Variants in TDRD12 observed in about 807,000 individuals in gnomAD.
TDRD12 encodes putative ATP-dependent RNA helicase TDRD12.
A neutral mutation model predicts 133.5 loss-of-function variants in TDRD12; 158 were observed. That is an observed-to-expected ratio of 1.18 (90% CI 1.04 to 1.35). The LOEUF (loss-of-function observed/expected upper bound fraction) is 1.35. Among genes scored for constraint, TDRD12 ranks in the 40% most tolerant of loss-of-function variants. The pLI, the probability that TDRD12 is intolerant of heterozygous loss-of-function variation, is 0.00. For missense variants in TDRD12, 1,443 were observed against 1,321.3 expected, an observed-to-expected ratio of 1.09 and a Z score of -1.43; for synonymous variants, 460 against 477.9, an observed-to-expected ratio of 0.96 and a Z score of 0.49.
intron 8 of TDRD12, among the ~76,000 whole-genome samples, chr19:32,763,285 G>A (rs1313627450): frequency 6.6e-6 from 1 of 152,120 alleles, no homozygotes; most frequent in Non-Finnish European, 1.5e-5. Context: ...AATGGTAGGA[G>A]GGGTGGAGAG....
At chr19:32,744,393 G>A (rs1426163889) in intron 4 of TDRD12, among the ~76,000 whole-genome samples, 1 of 150,422 alleles carries the variant, frequency 6.6e-6, no homozygotes, top group Non-Finnish European at 1.5e-5. Flanking sequence ...CCAGCTACTC[G>A]GGAGACTGAG....
intron 8 of TDRD12, among the ~76,000 whole-genome samples, chr19:32,768,674 T>C (rs1265227798): frequency 1.3e-5 from 2 of 152,098 alleles, no homozygotes; most frequent in Admixed American, 6.5e-5. Context: ...AGACCTTTCT[T>C]TGGCTTACTT....
intron 11 of TDRD12, among the ~76,000 whole-genome samples, chr19:32,777,828 TATATATATATATATATATATATATATATA>T (rs1424452697): frequency 0.022 from 137 of 6,310 alleles, 3 homozygotes; most frequent in Middle Eastern, 0.05. Flanking sequence ...TATATATATA[TATATATATATATATATATATATATATATA>T]TTTTTTTTTT....
At chr19:32,802,780 C>T (rs1254679520) in exon 20 of TDRD12, 22 of 1,536,688 alleles carry the variant, frequency 1.4e-5, no homozygotes, top group Non-Finnish European at 1.7e-5. Flanking sequence ...ATCATTTTCA[C>T]GCTGAACAGG....
chr19:32,798,230 T>C, intron 15 of TDRD12, 78 bp from the exon 16 acceptor site: 1 of 1,400,280 alleles, frequency 7.1e-7, no homozygotes, highest in Non-Finnish European at 9.7e-7. Flanking sequence ...TTCTAGAAAG[T>C]ATGTGGACTC....
At chr19:32,812,366 A>G (rs112726601) in intron 24 of TDRD12, among the ~76,000 whole-genome samples, 13 of 152,260 alleles carry the variant, frequency 8.5e-5, no homozygotes, top group African/African-American at 2.2e-4. Flanking sequence ...AGGAAAGGTT[A>G]TATTTTGCAT....
At chr19:32,771,988 G>A (rs79700065) in intron 8 of TDRD12, among the ~76,000 whole-genome samples, 9,894 of 152,114 alleles carry the variant, frequency 0.065, 556 homozygotes, top group East Asian at 0.24. Flanking sequence ...AATGATTGCC[G>A]GGTAAAACAA....
exon 25 of TDRD12, chr19:32,813,701 T>G: frequency 6.5e-7 from 1 of 1,532,288 alleles, no homozygotes; most frequent in South Asian, 1.2e-5. Flanking sequence ...GGTACATTCA[T>G]CATAAAATTG....
At chr19:32,744,787 C>G (rs1969552262) in intron 4 of TDRD12, among the ~76,000 whole-genome samples, 1 of 149,918 alleles carries the variant, frequency 6.7e-6, no homozygotes, top group Non-Finnish European at 1.5e-5. Context: ...ACCCGGTGCT[C>G]CTCCTCTTCT....
At chr19:32,727,705 G>A (rs1968904550) in intron 1 of TDRD12, among the ~76,000 whole-genome samples, 1 of 151,938 alleles carries the variant, frequency 6.6e-6, no homozygotes, top group Non-Finnish European at 1.5e-5. Flanking sequence ...GTCTCACTCT[G>A]TTACCCAGGC....
chr19:32,819,632 A>G (rs12979697), intron 27 of TDRD12, among the ~76,000 whole-genome samples: 1 of 152,182 alleles, frequency 6.6e-6, no homozygotes, highest in Non-Finnish European at 1.5e-5. Context: ...ACCCGTGGTC[A>G]CGAACACAGA....
In TDRD12 at chr19:32,743,043, G is replaced by A. The variant is rs1230119052; in HGVS notation, c.440+143G>A. 2.9e-6 allele frequency: 3 copies of A among 1,051,036 alleles called. No homozygotes were observed. The Admixed American group carries it at 8.8e-5, about 31-fold the overall frequency. The allele number at this position is 1,051,036 out of a possible 1,614,324, so 65.1% of individuals were successfully genotyped here. On this transcript the variant is annotated intron_variant, in intron 4 of 27. Transcript: ENST00000444215. ...AGGAGGGGCTTCTGAGTCAGTGTTT[G>A]TCTGACCTGGCTGTGGTTGAGGGGG...
intron 6 of TDRD12, among the ~76,000 whole-genome samples, chr19:32,754,888 A>G (rs1449445930): frequency 6.6e-6 from 1 of 151,920 alleles, no homozygotes; most frequent in Non-Finnish European, 1.5e-5. Context: ...TGTTGGTCTT[A>G]CTTTAAGGTG....
chr19:32,800,819 C>T (rs1034583616), intron 18 of TDRD12, 47 bp downstream of exon 18: 107 of 1,475,868 alleles, frequency 7.2e-5, no homozygotes, highest in Non-Finnish European at 8.6e-5. Context: ...TTCAACTGGT[C>T]GAATCTCAAG....
chr19:32,752,827 C>T (rs1326611611), intron 6 of TDRD12, among the ~76,000 whole-genome samples: 1 of 137,622 alleles, frequency 7.3e-6, no homozygotes, highest in Non-Finnish European at 1.5e-5. Context: ...GAGTCTCACT[C>T]TGTCGCTCAG....
In TDRD12 at chr19:32,762,662, G is replaced by A. The variant is rs146048038; in HGVS notation, c.865+5532G>A. Among the ~76,000 whole-genome samples, 219 of 152,312 alleles carry A rather than the reference G, an allele frequency of 1.4e-3. 5 individuals carry two copies. In the East Asian group the frequency reaches 0.036, roughly 25 times the overall value. ...GGGCCAAGAAGGTGCTCTGTGCCTC[G>A]AGTACTTTTCCTCTGGCCCCTCGAC... On this transcript the variant is annotated intron_variant, in intron 8 of 27. Transcript: ENST00000444215.
At chr19:32,793,458 C>T (rs865984246) in intron 13 of TDRD12, among the ~76,000 whole-genome samples, 38 of 152,068 alleles carry the variant, frequency 2.5e-4, no homozygotes, top group African/African-American at 8.5e-4. Flanking sequence ...TGCTCAATAC[C>T]AAGTGCAGAG....
At chr19:32,782,039 A>G (rs555752404) in intron 11 of TDRD12, among the ~76,000 whole-genome samples, 4 of 151,930 alleles carry the variant, frequency 2.6e-5, no homozygotes, top group African/African-American at 9.7e-5. Flanking sequence ...ACATAAGTGT[A>G]CATGTGCCAT....
chr19:32,803,875 C>A (rs908086009), intron 21 of TDRD12, among the ~76,000 whole-genome samples: 1 of 151,766 alleles, frequency 6.6e-6, no homozygotes, highest in African/African-American at 2.4e-5. Flanking sequence ...GTGAAGTGCC[C>A]GTTGAGGTCT....
Sources: allele counts gnomAD v4.1 joint callset (sites outside exome capture counted in the v4.1 genomes callset), GRCh38; gene constraint gnomAD v4.1.1; transcripts MANE v1.5; gene names NCBI Gene and HGNC (gene_info 2026-07-23, HGNC 2026-07-21).